The following RBM23 variants were observed in gnomAD, a reference collection of about 807,000 sequenced individuals.
The protein encoded by RBM23 is RNA binding motif protein 23, also known as probable RNA-binding protein 23.
A neutral mutation model predicts 56.2 loss-of-function variants in RBM23; 53 were observed. The ratio of observed to expected loss-of-function variants is 0.94; its 90% CI spans 0.76 to 1.19. The LOEUF (loss-of-function observed/expected upper bound fraction) is 1.19. RBM23 is among the 50% of genes most tolerant of loss of function. RBM23 has a pLI of 0.00. For missense variants in RBM23, 642 were observed against 590.3 expected (o/e 1.09, Z -0.91); for synonymous variants, 197 against 198.5 (o/e 0.99, Z 0.06).
At chr14:22,912,811 C>A (rs1400624229) in intron 1 of RBM23, among the ~76,000 whole-genome samples, 1 of 150,418 alleles carries the variant, frequency 6.6e-6, no homozygotes, top group African/African-American at 2.4e-5. Flanking sequence ...ACCATCTAGG[C>A]CAACATGGTG....
At chr14:22,916,611 A>G (rs910982095) in intron 1 of RBM23, among the ~76,000 whole-genome samples, 16 of 151,696 alleles carry the variant, frequency 1.1e-4, no homozygotes, top group African/African-American at 3.6e-4. Flanking sequence ...ATCTAACATT[A>G]TATCTATTAT....
intron 1 of RBM23, among the ~76,000 whole-genome samples, chr14:22,918,398 A>AGT (rs150084572): frequency 0.56 from 83,052 of 148,896 alleles, 23,822 homozygotes; most frequent in East Asian, 0.79. Context: ...GCCTTAAAAA[A>AGT]ATAAAAAAAA....
rs2040592006 is a variant in RBM23 at position 22,902,011 on chromosome 14, G to C, written c.1215C>G (p.Pro405=). 6.2e-7 allele frequency: 1 copy of C among 1,612,242 alleles called. No homozygotes were observed. The change falls in exon 12 of 14, where the codon CCC becomes CCG. Residue 405 remains proline, a synonymous_variant. Transcript: ENST00000359890. ...AAALQLNGAV[P]LGALNPAALT... ...GAGCTGCTGGATTCAGGGCCCCCAA[G>C]GGAACTGCTCCATTCAGTTGCAAGG...
At chr14:22,904,812 TCAAA>T (rs2041246097) in intron 9 of RBM23, 59 bp downstream of exon 9, 7 of 1,603,614 alleles carry the variant, frequency 4.4e-6, no homozygotes, top group Middle Eastern at 1.7e-4. Flanking sequence ...AGAAGTACAC[TCAAA>T]CACTCACCCT....
At chr14:22,905,556 C>T in intron 6 of RBM23, 50 bp downstream of exon 6, 1 of 1,600,130 alleles carries the variant, frequency 6.2e-7, no homozygotes, top group Non-Finnish European at 8.6e-7. Flanking sequence ...CTCAAATAAC[C>T]TTTTATTCAT....
Position 22,905,238 on chromosome 14 carries a change from A to G in RBM23, c.582T>C (p.Asp194=), listed in dbSNP as rs2041324021. ...AGTTCCGATCTGAGATGATACGTAC[A>G]TCGCGAACCTATCCAGGACGCAAAA... ...DFFSAVGKVR[D]VRIISDRNSR... Residue 194 remains aspartate (D), a synonymous_variant, in exon 8 of 14, where the codon GAT becomes GAC. Transcript: ENST00000359890. 4 of 1,614,086 alleles carry G rather than the reference A, an allele frequency of 2.5e-6. No individual in the cohort carries two copies. Among genetic ancestry groups the G allele is most frequent in the East Asian group, 2.2e-5 (1 of 44,886 alleles).
rs976925465 is a variant in RBM23 at position 22,904,405 on chromosome 14, T to C, written c.865-79A>G. On this transcript the variant is annotated intron_variant, in intron 9 of 13. Transcript: ENST00000359890. The stretch of plus-strand genomic sequence containing the variant: ...TCTTTCCTACCCAGACTGCTTTTTT[T>C]TTTTTTTTGAGACAGAGTCTCAAAA... 5 of 1,312,968 alleles carry C rather than the reference T, an allele frequency of 3.8e-6. No individual in the cohort carries two copies. The African/African-American group carries it at 6.0e-5, about 16-fold the overall frequency. The allele number at this position is 1,312,968 out of a possible 1,614,324, so 81.3% of individuals were successfully genotyped here.
At chr14:22,911,652 C>T (rs1236739533) in intron 1 of RBM23, 6 of 230,852 alleles carry the variant, frequency 2.6e-5, no homozygotes, top group African/African-American at 1.1e-4. Flanking sequence ...GTGGCTCACA[C>T]CTGTAATCCT....
chr14:22,901,659 G>C lies in RBM23; in HGVS notation c.*71C>G, dbSNP rs897929873. ...GCTTGGTCCACAAAATGGAGAAATG[G>C]GGCCATGGAAGAGTAGATGTGAAGT... On this transcript the variant is annotated 3_prime_UTR_variant, in exon 14 of 14. Coordinates refer to ENST00000359890, the MANE Select transcript of RBM23 (RefSeq NM_001077351.2). 3 of 1,572,028 alleles carry C rather than the reference G, an allele frequency of 1.9e-6. No homozygotes were observed. Among genetic ancestry groups the C allele is most frequent in the Non-Finnish European group, 2.6e-6 (3 of 1,142,266 alleles).
At chr14:22,918,958 T>C (rs1054380264) in intron 1 of RBM23, 41 bp downstream of exon 1, 3 of 152,136 alleles carry the variant, frequency 2.0e-5, no homozygotes, top group African/African-American at 4.8e-5. Context: ...ACGTCACGCA[T>C]TGGTGACGTC....
chr14:22,904,395 C>T (rs753375489), intron 9 of RBM23, 69 bp from the exon 10 acceptor site: 2 of 1,285,162 alleles, frequency 1.6e-6, no homozygotes, highest in Middle Eastern at 2.8e-4. Flanking sequence ...CCTACCCAGA[C>T]TGCTTTTTTT....
At chr14:22,915,052 C>T (rs2043244928) in intron 1 of RBM23, among the ~76,000 whole-genome samples, 1 of 151,432 alleles carries the variant, frequency 6.6e-6, no homozygotes, top group Admixed American at 6.6e-5. Flanking sequence ...TGCAACAATG[C>T]TGCCTTGGTT....
At chr14:22,904,065 C>CA (rs976523555) in intron 10 of RBM23, 196 bp downstream of exon 10, 11 of 1,515,604 alleles carry the variant, frequency 7.3e-6, no homozygotes, top group Admixed American at 6.1e-5. Context: ...GGGCCACTGA[C>CA]AGAGTGTAGG....
intron 8 of RBM23, 35 bp from the exon 9 acceptor site, chr14:22,905,047 A>T: frequency 6.2e-7 from 1 of 1,614,028 alleles, no homozygotes; most frequent in South Asian, 1.1e-5. Context: ...CATGTCCCAC[A>T]TTCCCTCTCC....
At position 22,908,522 on chromosome 14, in the gene RBM23, A is replaced by G. The variant is rs2041951711; in HGVS notation, c.180-142T>C. On this transcript the variant is annotated intron_variant, in intron 3 of 13. Transcript: ENST00000359890. Reference sequence around the variant, plus strand: ...ATCCTCATGCCTTAGCCTCCTGAGTAGCTGGGATTACAGGCATGTACCATC... The same window carrying G: ...ATCCTCATGCCTTAGCCTCCTGAGTGGCTGGGATTACAGGCATGTACCATC... 3.6e-6 allele frequency: 3 copies of G among 831,084 alleles called. No homozygotes were observed. The Admixed American group carries it at 8.4e-5, about 23-fold the overall frequency. The allele number at this position is 831,084 out of a possible 1,614,324, so 51.5% of individuals were successfully genotyped here. A position where few individuals can be genotyped will look rare whatever the true frequency, so the allele number is the denominator to read the frequency against.
At chr14:22,910,991 C>T (rs1366809672) in intron 2 of RBM23, among the ~76,000 whole-genome samples, 3 of 152,082 alleles carry the variant, frequency 2.0e-5, no homozygotes, top group South Asian at 4.2e-4. Flanking sequence ...AGCCTGGCAA[C>T]AGAGCGAGAC....
At position 22,905,109 on chromosome 14, in the gene RBM23, A is replaced by C; in HGVS notation, c.711T>G (p.Ile237Met). Residue 237 changes from isoleucine to methionine, a missense_variant, in exon 8 of 14, where the codon ATT becomes ATG. Physicochemically the swap from Ile to Met is conservative, Grantham distance 10. Coordinates refer to ENST00000359890, the MANE Select transcript of RBM23 (RefSeq NM_001077351.2). ...TGQRLLGVPI[I>M]VQASQAEKNR... ...GCCTGCTCACCTGTGAAGCCTGTAC[A>C]ATGATAGGCACTCCCAGCAACCGCT... 1 of 1,614,072 alleles carries C rather than the reference A, an allele frequency of 6.2e-7. No homozygotes were observed. The highest frequency in any genetic ancestry group is 8.5e-7 in the Non-Finnish European group (1 of 1,179,938).
intron 1 of RBM23, among the ~76,000 whole-genome samples, chr14:22,918,495 C>T (rs1251276529): frequency 1.3e-5 from 2 of 152,158 alleles, no homozygotes; most frequent in African/African-American, 4.8e-5. Flanking sequence ...TCATAATACG[C>T]CTACTGGAAT....
rs532892000 is a variant in RBM23 at position 22,910,151 on chromosome 14, C to CAAAAAAAAAAAAAAAAAAAAAAA, written c.67-579_67-557dup. ...TGGGCAGCCTAGTGAGACTCTGTCTCAAAAAAAAAAAAAAAAAAAAAAAAA... is the reference window on the plus strand; with the variant it reads ...TGGGCAGCCTAGTGAGACTCTGTCTCAAAAAAAAAAAAAAAAAAAAAAAAAAAAAAAAAAAAAAAAAAAAAAAA... On this transcript the variant is annotated intron_variant, in intron 2 of 13. Coordinates refer to ENST00000359890, the MANE Select transcript of RBM23 (RefSeq NM_001077351.2). 3.0e-4 allele frequency among the ~76,000 whole-genome samples: 5 copies of CAAAAAAAAAAAAAAAAAAAAAAA among 16,704 alleles called. 2 individuals are homozygous for CAAAAAAAAAAAAAAAAAAAAAAA. Among genetic ancestry groups the CAAAAAAAAAAAAAAAAAAAAAAA allele is most frequent in the East Asian group, 3.4e-3 (1 of 298 alleles). 11.0% of individuals were successfully genotyped at this position (16,704 alleles called of 152,430 possible).
Sources: gnomAD v4.1 joint callset for allele counts (sites outside exome capture counted in the v4.1 genomes callset) on GRCh38, gnomAD v4.1.1 for gene constraint, MANE v1.5 for transcripts, NCBI Gene and HGNC (gene_info 2026-07-23, HGNC 2026-07-21) for gene names.